Variants in ZDHHC11 observed in about 807,000 individuals in gnomAD.
The protein encoded by ZDHHC11 is zDHHC palmitoyltransferase 11.
ZDHHC11 carries 44 observed loss-of-function variants against 51.3 expected under a neutral mutation model. The observed-to-expected ratio is 0.86, with a 90% CI of 0.67 to 1.10. The LOEUF is 1.10. ZDHHC11 is among the 50% of genes least tolerant of loss of function. ZDHHC11 has a pLI of 0.00. For missense variants in ZDHHC11, 400 were observed against 537.7 expected, an observed-to-expected ratio of 0.74 and a Z score of 2.53; for synonymous variants, 163 against 222.0, an observed-to-expected ratio of 0.73 and a Z score of 2.36.
rs1437809542 is a variant in ZDHHC11, at chr5:844,635, C to T, written c.504-911G>A. Reference sequence around the variant, plus strand: ...GGGAAGGGGAGAGCCACGAGAGTGCCGTGGCACCCAGGAGGGCCTGCAGGC... The same window carrying T: ...GGGAAGGGGAGAGCCACGAGAGTGCTGTGGCACCCAGGAGGGCCTGCAGGC... On this transcript the variant is annotated intron_variant, in intron 3 of 12. Transcript: ENST00000283441. Among the ~76,000 whole-genome samples, 5 of 152,422 alleles carry T rather than the reference C, an allele frequency of 3.3e-5. No individual in the cohort carries two copies. The South Asian group carries it at 6.2e-4, about 19-fold the overall frequency.
intron 11 of ZDHHC11, among the ~76,000 whole-genome samples, chr5:810,032 G>A (rs1270803989): frequency 1.0e-4 from 3 of 29,624 alleles, no homozygotes; most frequent in South Asian, 9.7e-4. Flanking sequence ...GCAGGGTCTC[G>A]CTTTGGGGAG....
intron 8 of ZDHHC11, among the ~76,000 whole-genome samples, chr5:824,926 T>G (rs1439938776): frequency 6.6e-6 from 1 of 151,566 alleles, no homozygotes; most frequent in African/African-American, 2.4e-5. Flanking sequence ...GCTCCAGTGC[T>G]GGGGGCTCCC....
At chr5:810,704 A>C (rs1423553974) in intron 11 of ZDHHC11, among the ~76,000 whole-genome samples, 18 of 151,310 alleles carry the variant, frequency 1.2e-4, no homozygotes, top group Admixed American at 1.2e-3. Flanking sequence ...ATTCTGTGAC[A>C]AAAAAAGGGT....
intron 3 of ZDHHC11, among the ~76,000 whole-genome samples, chr5:845,048 G>A (rs1414850444): frequency 6.6e-6 from 1 of 152,294 alleles, no homozygotes; most frequent in African/African-American, 2.4e-5. Flanking sequence ...GGAGGCCAGA[G>A]CATGAATGCC....
upstream of ZDHHC11, among the ~76,000 whole-genome samples, chr5:853,500 G>A (rs1435185828): frequency 4.7e-5 from 7 of 147,892 alleles, no homozygotes; most frequent in Admixed American, 4.7e-4. Context: ...CCCCACAGAG[G>A]ACAGCGAGCT....
rs767538446 is a variant in ZDHHC11 at position 802,737 on chromosome 5, A to G, written c.1182-1573T>C. Reference sequence around the variant, plus strand: ...ACCTGTAATCCCAGCACTTTGGGAGACCGAGGTGGGTGGATCACGAGGTCA... The same window carrying G: ...ACCTGTAATCCCAGCACTTTGGGAGGCCGAGGTGGGTGGATCACGAGGTCA... On this transcript the variant is annotated intron_variant, in intron 11 of 12. Transcript: ENST00000283441. Among the ~76,000 whole-genome samples the G allele has an allele frequency of 5.5e-4, 78 of 142,186 alleles. 1 individual carries two copies. Among genetic ancestry groups the G allele is most frequent in the South Asian group, 2.5e-3 (11 of 4,334 alleles). 93.3% of individuals were successfully genotyped at this position (142,186 alleles called of 152,430 possible). A position where few individuals can be genotyped will look rare whatever the true frequency, so the allele number is the denominator to read the frequency against.
chr5:803,789 T>C (rs1408483525), intron 11 of ZDHHC11, among the ~76,000 whole-genome samples: 1 of 150,452 alleles, frequency 6.6e-6, no homozygotes, highest in Non-Finnish European at 1.5e-5. Context: ...ATTAGATTAG[T>C]AGTAGAGATA....
At chr5:849,005 C>G (rs1447521096) in intron 1 of ZDHHC11, among the ~76,000 whole-genome samples, 1 of 151,596 alleles carries the variant, frequency 6.6e-6, no homozygotes, top group African/African-American at 2.4e-5. Flanking sequence ...CATGGCCCTG[C>G]TCATCCAGTC....
chr5:817,635 C>T (rs1740986938), intron 10 of ZDHHC11, among the ~76,000 whole-genome samples: 2 of 151,076 alleles, frequency 1.3e-5, no homozygotes, highest in African/African-American at 4.9e-5. Flanking sequence ...TTAAACTTTC[C>T]TCTCTAAATA....
chr5:824,120 C>T lies in ZDHHC11; in HGVS notation c.1023+1044G>A, dbSNP rs1303689612. 3 of 453,496 alleles carry T rather than the reference C, an allele frequency of 6.6e-6. No individual in the cohort carries two copies. In the East Asian group the frequency reaches 2.1e-4, roughly 32 times the overall value. 28.1% of individuals were successfully genotyped at this position (453,496 alleles called of 1,614,324 possible). ...TGCCCCCACAGGGAAGGAGAACACA[C>T]CTGTAACCTCCAGAAGCTGGCCCCA... On this transcript the variant is annotated intron_variant, in intron 8 of 12. Coordinates refer to ENST00000283441, the MANE Select transcript of ZDHHC11 (RefSeq NM_024786.3).
chr5:840,102 A>G, intron 5 of ZDHHC11: 1 of 611,416 alleles, frequency 1.6e-6, no homozygotes, highest in South Asian at 2.0e-5. Context: ...TTTCATTGTT[A>G]GAATTTCTAC....
At chr5:807,513 C>T (rs1414491230) in intron 11 of ZDHHC11, among the ~76,000 whole-genome samples, 1 of 151,434 alleles carries the variant, frequency 6.6e-6, no homozygotes, top group East Asian at 1.9e-4. Context: ...GGAAGCAGGT[C>T]ACTCACAGAT....
At chr5:843,808 CA>C (rs1338876429) in intron 3 of ZDHHC11, 84 bp from the exon 4 acceptor site, 2 of 59,016 alleles carry the variant, frequency 3.4e-5, no homozygotes, top group Non-Finnish European at 6.2e-5. Context: ...GGCACGGGGG[CA>C]GGGGGTGTGC....
At chr5:831,125 G>T (rs398840) in intron 7 of ZDHHC11, among the ~76,000 whole-genome samples, 123,859 of 148,072 alleles carry the variant, frequency 0.84, 52,200 homozygotes, top group Middle Eastern at 0.93. Flanking sequence ...ATGCAATTTA[G>T]CTTAATTTAT....
At chr5:828,514 T>A (rs186691731) in intron 7 of ZDHHC11, among the ~76,000 whole-genome samples, 1,789 of 151,276 alleles carry the variant, frequency 0.012, 84 homozygotes, top group African/African-American at 0.04. Context: ...CAATTCTTAC[T>A]GGACATAAGA....
At chr5:840,779 T>G (rs1716914506) in intron 4 of ZDHHC11, 129 bp from the exon 5 acceptor site, 3 of 1,544,630 alleles carry the variant, frequency 1.9e-6, no homozygotes, top group Non-Finnish European at 2.6e-6. Flanking sequence ...GATGTCTCCC[T>G]GCCCAGGTGG....
At chr5:829,596 C>A (rs1178168970) in intron 7 of ZDHHC11, among the ~76,000 whole-genome samples, 2 of 151,404 alleles carry the variant, frequency 1.3e-5, no homozygotes, top group Non-Finnish European at 2.9e-5. Context: ...CTTATGGAAA[C>A]TATTACAAAA....
In ZDHHC11 at chr5:850,368, A is replaced by G. The variant is rs759626093; in HGVS notation, c.222+13T>C. The G allele has an allele frequency of 6.2e-7, 1 of 1,613,118 alleles. No homozygotes were observed. The highest frequency in any genetic ancestry group is 1.1e-5 in the South Asian group (1 of 91,032). ...CCCCTCCCGCTTAGACCATGCCACGATGAAAAGGATACCACGTAGGCAATG... is the reference window on the plus strand; with the variant it reads ...CCCCTCCCGCTTAGACCATGCCACGGTGAAAAGGATACCACGTAGGCAATG... On this transcript the variant is annotated intron_variant, in intron 1 of 12. Coordinates refer to ENST00000283441, the MANE Select transcript of ZDHHC11 (RefSeq NM_024786.3).
At chr5:819,499 G>T in intron 10 of ZDHHC11, 26 bp downstream of exon 10, 3 of 1,603,038 alleles carry the variant, frequency 1.9e-6, no homozygotes, top group Non-Finnish European at 1.7e-6. Flanking sequence ...CTGTCCTCGG[G>T]GACAGCGCCA....
Sources: gnomAD v4.1 joint callset for allele counts (sites outside exome capture counted in the v4.1 genomes callset) on GRCh38, gnomAD v4.1.1 for gene constraint, MANE v1.5 for transcripts, NCBI Gene and HGNC (gene_info 2026-07-23, HGNC 2026-07-21) for gene names.